Variants in MYO10 observed in about 807,000 individuals in gnomAD.
MYO10 encodes myosin X, also known as unconventional myosin-X.
In MYO10, 133 loss-of-function variants were observed where a neutral mutation model predicts 257.3. That is an observed-to-expected ratio of 0.52 (90% confidence interval 0.45 to 0.60). MYO10 has a LOEUF of 0.60. MYO10 is among the 20% of genes least tolerant of loss of function. The pLI is 0.00. For missense variants in MYO10, 2,399 were observed against 2,635.7 expected, an observed-to-expected ratio of 0.91 and a Z score of 1.97; for synonymous variants, 1,104 against 1,028.6, an observed-to-expected ratio of 1.07 and a Z score of -1.40.
intron 19 of MYO10, among the ~76,000 whole-genome samples, chr5:16,713,686 C>T (rs942854686): frequency 2.6e-5 from 4 of 152,136 alleles, no homozygotes; most frequent in African/African-American, 9.7e-5. Context: ...ACCCACCCTG[C>T]GATCACAATC....
At chr5:16,709,661 C>G (rs1738503323) in intron 21 of MYO10, among the ~76,000 whole-genome samples, 1 of 152,072 alleles carries the variant, frequency 6.6e-6, no homozygotes, top group African/African-American at 2.4e-5. Flanking sequence ...CCCCAAGATA[C>G]AGGGACTGCA....
chr5:16,884,517 A>G lies in MYO10; in HGVS notation c.22-6810T>C, dbSNP rs1233483286. Among the ~76,000 whole-genome samples, 5 of 152,232 alleles carry G rather than the reference A, an allele frequency of 3.3e-5. No individual in the cohort carries two copies. In the East Asian group the frequency reaches 9.6e-4, roughly 29 times the overall value. ...AGAAAGTTTTCCTCTTTTTGCCTGC[A>G]ATGACTCAGTGAAGAAGTCACCTGG... is the stretch of plus-strand genomic sequence containing the variant. On this transcript the variant is annotated intron_variant, in intron 1 of 40. Coordinates refer to ENST00000513610, the MANE Select transcript of MYO10 (RefSeq NM_012334.3).
In MYO10 at chr5:16,742,144, T is replaced by A. The variant is rs74934962; in HGVS notation, c.1929+12684A>T. The A allele has an allele frequency of 5.5e-3, 5,383 of 985,282 alleles. 163 individuals carry two copies. The African/African-American group carries it at 0.08, about 15-fold the overall frequency. The allele number at this position is 985,282 out of a possible 1,614,324, so 61.0% of individuals were successfully genotyped here. On this transcript the variant is annotated intron_variant, in intron 19 of 40. Coordinates refer to ENST00000513610, the MANE Select transcript of MYO10 (RefSeq NM_012334.3). ...TTAAAAGCCAATCAATAATTTTTTT[T>A]TAAAAAAAGTCCCAGGACAAAATCA... is the stretch of plus-strand genomic sequence containing the variant.
chr5:16,865,719 G>C (rs1280661698), intron 2 of MYO10, among the ~76,000 whole-genome samples: 1 of 151,768 alleles, frequency 6.6e-6, no homozygotes, highest in East Asian at 1.9e-4. Context: ...GCTTAGACAG[G>C]AGACTTGCTT....
At chr5:16,763,390 C>G in intron 14 of MYO10, 91 bp downstream of exon 14, 6 of 947,550 alleles carry the variant, frequency 6.3e-6, no homozygotes, top group Non-Finnish European at 8.5e-6. Context: ...CGTTGATGTG[C>G]GTGTTCGTGC....
intron 2 of MYO10, among the ~76,000 whole-genome samples, chr5:16,844,615 A>C (rs1239432995): frequency 6.6e-6 from 1 of 152,198 alleles, no homozygotes; most frequent in African/African-American, 2.4e-5. Context: ...TGGCATAAAC[A>C]GGATTCTAGT....
Position 16,770,755 on chromosome 5 carries a change from C to G in MYO10, c.931-1552G>C, listed in dbSNP as rs372540615. On this transcript the variant is annotated intron_variant, in intron 9 of 40. Coordinates refer to ENST00000513610, the MANE Select transcript of MYO10 (RefSeq NM_012334.3). ...TGGAGATTTAACACTGCGAAAAGTT[C>G]AATTTCTTTCCCTTTTTTTTGTTTT... 2.0e-5 allele frequency among the ~76,000 whole-genome samples: 3 copies of G among 152,272 alleles called. No homozygotes were observed. In the East Asian group the frequency reaches 5.8e-4, roughly 30 times the overall value.
At chr5:16,873,612 C>G (rs1744508452) in intron 2 of MYO10, among the ~76,000 whole-genome samples, 1 of 152,242 alleles carries the variant, frequency 6.6e-6, no homozygotes. Flanking sequence ...GGGCCCCACC[C>G]CTGCAGCAAA....
chr5:16,686,982 T>G (rs1294089665), intron 28 of MYO10, among the ~76,000 whole-genome samples: 1 of 152,138 alleles, frequency 6.6e-6, no homozygotes, highest in Non-Finnish European at 1.5e-5. Flanking sequence ...TCCATCTTTA[T>G]TTCAAATGAG....
At chr5:16,743,650 AAAAG>A (rs1234366523) in intron 19 of MYO10, among the ~76,000 whole-genome samples, 1 of 152,150 alleles carries the variant, frequency 6.6e-6, no homozygotes, top group South Asian at 2.1e-4. Context: ...TGCAAAAAAA[AAAAG>A]AAACTTCATT....
rs569093218 is a variant in MYO10 at position 16,816,741 on chromosome 5, GGATGGTCC to G, written c.279+1260_279+1267del. On this transcript the variant is annotated intron_variant, in intron 3 of 40. Transcript: ENST00000513610. ...AGACGGGGATTCACCATGTTGGCCA[GGATGGTCC>G]GATCTCTTGATCTCGTGATCCGCCC... is the stretch of plus-strand genomic sequence containing the variant. Among the ~76,000 whole-genome samples, 7 of 151,932 alleles carry G rather than the reference GGATGGTCC, an allele frequency of 4.6e-5. No individual in the cohort carries two copies. In the South Asian group the frequency reaches 1.5e-3, roughly 32 times the overall value.
At chr5:16,815,597 T>C in intron 3 of MYO10, 1 of 619,798 alleles carries the variant, frequency 1.6e-6, no homozygotes, top group South Asian at 1.9e-5. Flanking sequence ...GGCAGTGTCC[T>C]TGGTTCCAGG....
chr5:16,752,154 A>G (rs1395115967), intron 19 of MYO10, among the ~76,000 whole-genome samples: 2 of 152,214 alleles, frequency 1.3e-5, no homozygotes, highest in Admixed American at 6.5e-5. Flanking sequence ...TAGCACTGCC[A>G]GGGCAGGAAT....
chr5:16,787,245 T>G (rs1741612444), intron 4 of MYO10, among the ~76,000 whole-genome samples: 2 of 152,242 alleles, frequency 1.3e-5, no homozygotes, highest in Non-Finnish European at 1.5e-5. Flanking sequence ...CAGCCTCACA[T>G]AATTCAGATA....
Position 16,674,997 on chromosome 5 carries a change from T to A in MYO10, c.4820A>T (p.Tyr1607Phe). Residue 1607 changes from tyrosine (Y) to phenylalanine (F), a missense_variant, in exon 35 of 41, where the codon TAC (tyrosine) becomes TTC (phenylalanine). By Grantham distance (22) the Tyr-to-Phe change is conservative. Transcript: ENST00000513610. ...HDLRPLRDELYCQLIKQTNKV... is the reference protein window; with the variant it reads ...HDLRPLRDELFCQLIKQTNKV... Reference sequence around the variant, plus strand: ...GTTGGTCTGTTTGATAAGCTGGCAGTACAGCTCGTCCCGCAGAGGTCGCAG... The same window carrying A: ...GTTGGTCTGTTTGATAAGCTGGCAGAACAGCTCGTCCCGCAGAGGTCGCAG... 1 of 1,613,988 alleles carries A rather than the reference T, an allele frequency of 6.2e-7. No homozygotes were observed. The highest frequency in any genetic ancestry group is 8.5e-7 in the Non-Finnish European group (1 of 1,179,892).
intron 19 of MYO10, among the ~76,000 whole-genome samples, chr5:16,726,920 A>G (rs1257029876): frequency 6.6e-6 from 1 of 152,208 alleles, no homozygotes; most frequent in East Asian, 1.9e-4. Context: ...CCACTTCCAC[A>G]ATACAATAGC....
At chr5:16,889,783 TA>T (rs1300271660) in intron 1 of MYO10, among the ~76,000 whole-genome samples, 1 of 151,596 alleles carries the variant, frequency 6.6e-6, no homozygotes, top group African/African-American at 2.4e-5. Context: ...GAAAGGGCAA[TA>T]AAAGACCAGC....
At chr5:16,801,021 G>A (rs540678798) in intron 3 of MYO10, among the ~76,000 whole-genome samples, 2 of 151,714 alleles carry the variant, frequency 1.3e-5, no homozygotes, top group African/African-American at 2.4e-5. Context: ...TAAAAGTTAC[G>A]TGCACCCTAG....
chr5:16,919,037 C>G (rs1464135276), intron 1 of MYO10, among the ~76,000 whole-genome samples: 3 of 152,130 alleles, frequency 2.0e-5, no homozygotes, highest in African/African-American at 7.2e-5. Flanking sequence ...AGCAAATATG[C>G]ATTCCTGAAG....
Sources: gnomAD v4.1 joint callset for allele counts (sites outside exome capture counted in the v4.1 genomes callset) on GRCh38, gnomAD v4.1.1 for gene constraint, MANE v1.5 for transcripts, NCBI Gene and HGNC (gene_info 2026-07-23, HGNC 2026-07-21) for gene names.